The following TLL1 variants were observed in gnomAD, a reference collection of about 807,000 sequenced individuals.
TLL1 encodes the protein tolloid like 1, also known as tolloid-like protein 1.
In TLL1, 49 loss-of-function variants were observed where a neutral mutation model predicts 128.2. The ratio of observed to expected loss-of-function variants is 0.38; its 90% CI spans 0.30 to 0.48. The LOEUF is 0.48. TLL1 is among the 20% of genes least tolerant of loss of function. The pLI, the probability that TLL1 is intolerant of heterozygous loss-of-function variation, is 0.96. For synonymous variants in TLL1, 454 were observed against 418.8 expected (o/e 1.08, Z -1.03); for missense variants, 1,123 against 1,242.0 (o/e 0.90, Z 1.44).
chr4:165,984,447 T>C lies in TLL1; in HGVS notation c.170-4934T>C, dbSNP rs186932562. On this transcript the variant is annotated intron_variant, in intron 1 of 20. Transcript: ENST00000061240. Reference sequence around the variant, plus strand: ...GAATTTGCTCAGTGGTTGTCAATCATGTAAAAATAGTTGACTTTTGAGACT... The same window carrying C: ...GAATTTGCTCAGTGGTTGTCAATCACGTAAAAATAGTTGACTTTTGAGACT... Among the ~76,000 whole-genome samples, 407 of 152,058 alleles carry C rather than the reference T, an allele frequency of 2.7e-3. 2 individuals carry two copies. Among genetic ancestry groups the C allele is most frequent in the African/African-American group, 9.2e-3 (382 of 41,548 alleles).
intron 1 of TLL1, among the ~76,000 whole-genome samples, chr4:165,892,876 T>C (rs1205071196): frequency 2.6e-5 from 4 of 152,224 alleles, no homozygotes; most frequent in Non-Finnish European, 5.9e-5. Flanking sequence ...TTACAGAGTT[T>C]TTTTTCTGTA....
chr4:165,886,157 G>T (rs192407043), intron 1 of TLL1, among the ~76,000 whole-genome samples: 1 of 152,184 alleles, frequency 6.6e-6, no homozygotes, highest in East Asian at 1.9e-4. Flanking sequence ...ATGAATCTAG[G>T]TAGTGTAATT....
chr4:165,952,747 T>G (rs892957073), intron 1 of TLL1, among the ~76,000 whole-genome samples: 1 of 152,170 alleles, frequency 6.6e-6, no homozygotes, highest in African/African-American at 2.4e-5. Flanking sequence ...ATTCATTCAT[T>G]ATATTTCATA....
At chr4:166,026,937 T>C (rs1738525374) in intron 9 of TLL1, among the ~76,000 whole-genome samples, 1 of 152,140 alleles carries the variant, frequency 6.6e-6, no homozygotes, top group Admixed American at 6.5e-5. Flanking sequence ...TCAGTTCTTA[T>C]TCAAGAAGAA....
At chr4:165,981,199 T>G (rs1421204615) in intron 1 of TLL1, among the ~76,000 whole-genome samples, 2 of 152,064 alleles carry the variant, frequency 1.3e-5, no homozygotes, top group Non-Finnish European at 2.9e-5. Context: ...GAGGTTATCT[T>G]TCAGTTAACC....
chr4:165,934,166 T>A (rs1579506883), intron 1 of TLL1, among the ~76,000 whole-genome samples: 1 of 146,136 alleles, frequency 6.8e-6, no homozygotes, highest in African/African-American at 2.7e-5. Flanking sequence ...GCCCAGCTAA[T>A]TTTTTGCTTT....
intron 1 of TLL1, among the ~76,000 whole-genome samples, chr4:165,983,951 C>A (rs189682543): frequency 6.6e-6 from 1 of 151,714 alleles, no homozygotes; most frequent in Non-Finnish European, 1.5e-5. Context: ...TACTTTACTG[C>A]AAGCACACTT....
chr4:165,961,168 C>T (rs962784742), intron 1 of TLL1, among the ~76,000 whole-genome samples: 15 of 151,996 alleles, frequency 9.9e-5, no homozygotes, highest in African/African-American at 2.4e-4. Flanking sequence ...CATTTTTACA[C>T]GCTAACAATG....
At chr4:165,964,877 G>A (rs888617478) in intron 1 of TLL1, among the ~76,000 whole-genome samples, 1 of 152,058 alleles carries the variant, frequency 6.6e-6, no homozygotes, top group African/African-American at 2.4e-5. Flanking sequence ...TTAGAGGTTA[G>A]AGTGAGCCAT....
At chr4:165,909,762 T>C (rs1364238469) in intron 1 of TLL1, among the ~76,000 whole-genome samples, 1 of 152,176 alleles carries the variant, frequency 6.6e-6, no homozygotes. Context: ...AACATTTTTA[T>C]TTATGGGATT....
chr4:165,965,227 T>C (rs374754327), intron 1 of TLL1, among the ~76,000 whole-genome samples: 17 of 152,274 alleles, frequency 1.1e-4, no homozygotes, highest in African/African-American at 3.4e-4. Flanking sequence ...ATATGTTTCT[T>C]TGTAGATAAG....
chr4:165,979,481 G>A (rs897131356), intron 1 of TLL1, among the ~76,000 whole-genome samples: 1 of 151,988 alleles, frequency 6.6e-6, no homozygotes, highest in Non-Finnish European at 1.5e-5. Context: ...CTTTTCCACA[G>A]ATACATATGA....
chr4:166,083,972 TC>T (rs1398596995), intron 18 of TLL1, among the ~76,000 whole-genome samples: 1 of 152,144 alleles, frequency 6.6e-6, no homozygotes, highest in Non-Finnish European at 1.5e-5. Context: ...CATACTTTTT[TC>T]TGATGGCTGT....
At chr4:165,982,401 A>G (rs1736188842) in intron 1 of TLL1, among the ~76,000 whole-genome samples, 1 of 151,918 alleles carries the variant, frequency 6.6e-6, no homozygotes, top group Admixed American at 6.6e-5. Flanking sequence ...GGTCTCTAAG[A>G]CTATGAAAAG....
chr4:166,051,795 T>C (rs1739752148), intron 12 of TLL1, among the ~76,000 whole-genome samples: 1 of 152,214 alleles, frequency 6.6e-6, no homozygotes, highest in Non-Finnish European at 1.5e-5. Flanking sequence ...GCACATATTA[T>C]TTTCTAGGCA....
intron 1 of TLL1, among the ~76,000 whole-genome samples, chr4:165,929,314 G>A (rs1267854680): frequency 2.0e-5 from 3 of 152,058 alleles, no homozygotes; most frequent in Admixed American, 2.0e-4. Flanking sequence ...CAAGGTGGGC[G>A]GATCACGAGG....
In TLL1 at chr4:166,001,756, C is replaced by T. The variant is rs141106457; in HGVS notation, c.633-1635C>T. Among the ~76,000 whole-genome samples the T allele has an allele frequency of 7.0e-3, 1,049 of 149,294 alleles. 10 individuals are homozygous for T. The highest frequency in any genetic ancestry group is 0.025 in the African/African-American group (1,013 of 40,290). On this transcript the variant is annotated intron_variant, in intron 5 of 20. Coordinates refer to ENST00000061240, the MANE Select transcript of TLL1 (RefSeq NM_012464.5). ...AGTTTGCAGTGGGCCGATTGTGCCA[C>T]TGCACACCAGCCTGGGTGACAAAGC...
intron 1 of TLL1, among the ~76,000 whole-genome samples, chr4:165,889,583 C>G (rs981721690): frequency 6.6e-6 from 1 of 152,184 alleles, no homozygotes; most frequent in Admixed American, 6.5e-5. Flanking sequence ...GTTACCTGTA[C>G]TGACTTGCTG....
At chr4:165,983,294 T>A (rs1344037363) in intron 1 of TLL1, among the ~76,000 whole-genome samples, 1 of 151,884 alleles carries the variant, frequency 6.6e-6, no homozygotes, top group African/African-American at 2.4e-5. Flanking sequence ...ATGGATCTTT[T>A]GTTAGGGGAA....
Sources: allele counts gnomAD v4.1 joint callset (sites outside exome capture counted in the v4.1 genomes callset), GRCh38; gene constraint gnomAD v4.1.1; transcripts MANE v1.5; gene names NCBI Gene and HGNC (gene_info 2026-07-23, HGNC 2026-07-21).